The following EGFLAM variants were observed in gnomAD, a reference collection of about 807,000 sequenced individuals.
The protein encoded by EGFLAM is EGF like, fibronectin type III and laminin G domains, also known as pikachurin.
EGFLAM carries 79 observed loss-of-function variants against 113.1 expected under a neutral mutation model. That is an observed-to-expected ratio of 0.70 (90% CI 0.58 to 0.84). EGFLAM has a LOEUF of 0.84. EGFLAM is among the 40% of genes least tolerant of loss of function. EGFLAM has a pLI of 0.00. For synonymous variants in EGFLAM, 504 were observed against 487.6 expected, an observed-to-expected ratio of 1.03 and a Z score of -0.44; for missense variants, 1,265 against 1,291.6, an observed-to-expected ratio of 0.98 and a Z score of 0.32.
intron 1 of EGFLAM, among the ~76,000 whole-genome samples, chr5:38,298,485 C>T (rs1758499933): frequency 6.6e-6 from 1 of 152,032 alleles, no homozygotes; most frequent in Non-Finnish European, 1.5e-5. Context: ...CATCTCTGGG[C>T]CTTTAAATCA....
At chr5:38,418,682 G>T (rs952418623) in intron 12 of EGFLAM, among the ~76,000 whole-genome samples, 4 of 152,124 alleles carry the variant, frequency 2.6e-5, no homozygotes, top group Non-Finnish European at 4.4e-5. Context: ...ATTTGTGATC[G>T]CTGTGCCAAA....
intron 16 of EGFLAM, among the ~76,000 whole-genome samples, chr5:38,435,851 T>C (rs1473391250): frequency 7.4e-6 from 1 of 135,788 alleles, no homozygotes; most frequent in Non-Finnish European, 1.5e-5. Context: ...TGAGTCTCGC[T>C]CTGTCGCCCA....
chr5:38,259,020 C>T (rs1757431387), intron 1 of EGFLAM, among the ~76,000 whole-genome samples, 169 bp downstream of exon 1: 1 of 151,744 alleles, frequency 6.6e-6, no homozygotes, highest in Non-Finnish European at 1.5e-5. Context: ...CGCCCTCCCC[C>T]GAGCCCGGGC....
chr5:38,398,473 C>T (rs1419918632), intron 6 of EGFLAM, among the ~76,000 whole-genome samples: 1 of 152,122 alleles, frequency 6.6e-6, no homozygotes, highest in African/African-American at 2.4e-5. Context: ...GAGAACATAC[C>T]TTGTCTGGGA....
chr5:38,307,146 T>C (rs1279982256), intron 1 of EGFLAM, among the ~76,000 whole-genome samples: 1 of 152,258 alleles, frequency 6.6e-6, no homozygotes, highest in Non-Finnish European at 1.5e-5. Context: ...GAATTGTGAA[T>C]AAATAAATAA....
At chr5:38,330,015 T>G (rs1739000084) in intron 1 of EGFLAM, among the ~76,000 whole-genome samples, 1 of 152,142 alleles carries the variant, frequency 6.6e-6, no homozygotes, top group Non-Finnish European at 1.5e-5. Flanking sequence ...AATACTTTCC[T>G]ACAGAATATG....
chr5:38,438,743 T>C (rs1742440156), intron 17 of EGFLAM, among the ~76,000 whole-genome samples: 1 of 152,150 alleles, frequency 6.6e-6, no homozygotes, highest in African/African-American at 2.4e-5. Context: ...AACCCAAGAG[T>C]TAACCCATAA....
chr5:38,387,246 C>G (rs1740686988), intron 6 of EGFLAM, among the ~76,000 whole-genome samples: 1 of 152,210 alleles, frequency 6.6e-6, no homozygotes, highest in South Asian at 2.1e-4. Flanking sequence ...ACCACCTCCA[C>G]TGGCTTGTTG....
At chr5:38,428,897 G>A (rs1742100186) in intron 14 of EGFLAM, among the ~76,000 whole-genome samples, 1 of 152,198 alleles carries the variant, frequency 6.6e-6, no homozygotes, top group Non-Finnish European at 1.5e-5. Context: ...ATGAAAATGA[G>A]GCAAGAGTTT....
intron 1 of EGFLAM, among the ~76,000 whole-genome samples, chr5:38,298,218 G>A (rs1321979565): frequency 3.3e-5 from 5 of 152,116 alleles, no homozygotes; most frequent in Admixed American, 6.5e-5. Flanking sequence ...CTTCTTTCCC[G>A]CCTGTACAGC....
At chr5:38,315,529 T>G (rs1738570317) in intron 1 of EGFLAM, among the ~76,000 whole-genome samples, 1 of 152,206 alleles carries the variant, frequency 6.6e-6, no homozygotes, top group African/African-American at 2.4e-5. Context: ...TCATAAGATC[T>G]TATTGCTCCC....
At chr5:38,322,461 C>A (rs1449737422) in intron 1 of EGFLAM, among the ~76,000 whole-genome samples, 1 of 152,180 alleles carries the variant, frequency 6.6e-6, no homozygotes, top group Non-Finnish European at 1.5e-5. Flanking sequence ...AAACAGGGCC[C>A]ACGTTTGCCT....
chr5:38,339,247 C>T (rs1739270915), intron 3 of EGFLAM, among the ~76,000 whole-genome samples: 1 of 151,846 alleles, frequency 6.6e-6, no homozygotes, highest in South Asian at 2.1e-4. Flanking sequence ...AGCCCAGTGC[C>T]CCATCCTTCC....
At chr5:38,353,787 C>CTTCA (rs1300547914) in intron 5 of EGFLAM, among the ~76,000 whole-genome samples, 2 of 152,210 alleles carry the variant, frequency 1.3e-5, no homozygotes, top group African/African-American at 2.4e-5. Context: ...GTTTTAGTGG[C>CTTCA]TTCATTTTAG....
intron 4 of EGFLAM, among the ~76,000 whole-genome samples, chr5:38,351,449 A>G (rs1464601416): frequency 1.3e-5 from 2 of 152,190 alleles, no homozygotes; most frequent in East Asian, 3.9e-4. Context: ...TGTGGAGCAC[A>G]CAGGAGGGCG....
At chr5:38,463,203 T>G (rs1743349778) in intron 21 of EGFLAM, among the ~76,000 whole-genome samples, 192 bp downstream of exon 21, 1 of 152,212 alleles carries the variant, frequency 6.6e-6, no homozygotes, top group Admixed American at 6.5e-5. Context: ...CTCCCTTCGA[T>G]GCTTTTATGC....
chr5:38,359,491 A>C (rs1316042617), intron 5 of EGFLAM, among the ~76,000 whole-genome samples: 2 of 152,202 alleles, frequency 1.3e-5, no homozygotes, highest in East Asian at 3.9e-4. Flanking sequence ...CCTTGCCAAC[A>C]TGGTGAAACC....
chr5:38,448,723 C>G (rs1038150291), intron 18 of EGFLAM, among the ~76,000 whole-genome samples: 3 of 152,152 alleles, frequency 2.0e-5, no homozygotes, highest in African/African-American at 4.8e-5. Context: ...GTTCCTGAAG[C>G]CTGAGTGATG....
chr5:38,327,126 C>T (rs1738911668), intron 1 of EGFLAM, among the ~76,000 whole-genome samples: 1 of 152,158 alleles, frequency 6.6e-6, no homozygotes, highest in Non-Finnish European at 1.5e-5. Context: ...GGGTATATTA[C>T]CTTTTGTTAT....
Sources: gnomAD v4.1 joint callset for allele counts (sites outside exome capture counted in the v4.1 genomes callset) on GRCh38, gnomAD v4.1.1 for gene constraint, MANE v1.5 for transcripts, NCBI Gene and HGNC (gene_info 2026-07-23, HGNC 2026-07-21) for gene names.